SNX29: variants seen among roughly 807,000 people sequenced by gnomAD.
SNX29 encodes sorting nexin 29, also known as sorting nexin-29.
In SNX29, 78 loss-of-function variants were observed where a neutral mutation model predicts 102.1. That is an observed-to-expected ratio of 0.76 (90% confidence interval 0.64 to 0.92). The LOEUF (loss-of-function observed/expected upper bound fraction) is 0.92, where lower values mean the gene tolerates loss of function less well. Ranked by LOEUF, SNX29 falls within the 40% of genes least tolerant of loss-of-function variation. The pLI is 0.00. For missense variants in SNX29, 1,280 were observed against 1,061.7 expected, an observed-to-expected ratio of 1.21 and a Z score of -2.86; for synonymous variants, 580 against 414.5, an observed-to-expected ratio of 1.40 and a Z score of -4.85.
At chr16:12,529,672 C>T (rs909469563) in intron 20 of SNX29, among the ~76,000 whole-genome samples, 11 of 152,180 alleles carry the variant, frequency 7.2e-5, no homozygotes, top group Non-Finnish European at 8.8e-5. Context: ...GGGTTTCCCC[C>T]GCCGCCGCCC....
chr16:12,407,546 T>C (rs1453446923), intron 18 of SNX29, among the ~76,000 whole-genome samples: 1 of 152,226 alleles, frequency 6.6e-6, no homozygotes, highest in African/African-American at 2.4e-5. Flanking sequence ...TGGGTAGCAC[T>C]ATAAAGGAAC....
At chr16:12,489,013 C>A (rs7202077) in intron 19 of SNX29, among the ~76,000 whole-genome samples, 11,443 of 152,180 alleles carry the variant, frequency 0.075, 746 homozygotes, top group East Asian at 0.29. Flanking sequence ...CTTGTATATC[C>A]TTATTTAGTC....
intron 17 of SNX29, among the ~76,000 whole-genome samples, chr16:12,398,957 GA>G (rs566154704): frequency 4.8e-4 from 73 of 152,268 alleles, no homozygotes; most frequent in African/African-American, 1.5e-3. Flanking sequence ...TGGGTTATTG[GA>G]AACAACAGTA....
intron 13 of SNX29, among the ~76,000 whole-genome samples, chr16:12,172,723 C>G (rs2076176312): frequency 6.6e-6 from 1 of 152,102 alleles, no homozygotes; most frequent in African/African-American, 2.4e-5. Context: ...TTTATAATCC[C>G]TCGAGATAGG....
intron 13 of SNX29, among the ~76,000 whole-genome samples, chr16:12,173,194 A>G (rs2076186820): frequency 6.6e-6 from 1 of 152,254 alleles, no homozygotes; most frequent in Admixed American, 6.5e-5. Context: ...TTAGAATTGC[A>G]GCCAGTTTCA....
intron 18 of SNX29, among the ~76,000 whole-genome samples, chr16:12,409,238 C>T (rs796975176): frequency 2.6e-5 from 4 of 152,260 alleles, no homozygotes; most frequent in African/African-American, 9.6e-5. Flanking sequence ...AAACTCAATC[C>T]AGTACCTTGT....
chr16:12,324,910 A>T (rs2081071699), intron 15 of SNX29, among the ~76,000 whole-genome samples: 1 of 152,152 alleles, frequency 6.6e-6, no homozygotes, highest in South Asian at 2.1e-4. Context: ...GAACAATGAC[A>T]ATAAAAACAG....
At chr16:12,057,272 T>C (rs776094208) in intron 8 of SNX29, among the ~76,000 whole-genome samples, 22 of 152,190 alleles carry the variant, frequency 1.4e-4, no homozygotes, top group Non-Finnish European at 2.8e-4. Flanking sequence ...AGACTCCATA[T>C]TTTGCCCATC....
chr16:12,543,391 A>G (rs1443869350), intron 20 of SNX29, among the ~76,000 whole-genome samples: 6 of 152,152 alleles, frequency 3.9e-5, no homozygotes, highest in Admixed American at 2.0e-4. Context: ...GATTATCCAG[A>G]AGGAGGGGGC....
chr16:12,418,522 CT>C (rs35098603), intron 18 of SNX29, among the ~76,000 whole-genome samples: 4 of 148,316 alleles, frequency 2.7e-5, no homozygotes, highest in African/African-American at 2.5e-5. Flanking sequence ...GTTTTCTTTT[CT>C]TTTTTTTTTG....
intron 20 of SNX29, among the ~76,000 whole-genome samples, chr16:12,554,983 C>G (rs533755550): frequency 1.3e-5 from 2 of 151,808 alleles, no homozygotes; most frequent in Admixed American, 6.5e-5. Context: ...GTCAGTCAGC[C>G]GGAGCACCTT....
At chr16:12,040,729 G>A (rs1171148505) in intron 4 of SNX29, among the ~76,000 whole-genome samples, 1 of 152,190 alleles carries the variant, frequency 6.6e-6, no homozygotes, top group Non-Finnish European at 1.5e-5. Flanking sequence ...ACTTTTAATT[G>A]TAATAGGAAA....
At chr16:12,351,579 G>A (rs115326129) in intron 15 of SNX29, among the ~76,000 whole-genome samples, 34 of 152,254 alleles carry the variant, frequency 2.2e-4, no homozygotes, top group African/African-American at 7.9e-4. Context: ...TGCCAGAGGC[G>A]TTTTTGAAAA....
intron 20 of SNX29, among the ~76,000 whole-genome samples, chr16:12,567,260 T>TA (rs1176595449): frequency 1.3e-5 from 2 of 152,144 alleles, no homozygotes; most frequent in East Asian, 3.9e-4. Flanking sequence ...TGTCTTCCCT[T>TA]GTAGGGTCCA....
Position 12,544,849 on chromosome 16 carries a change from C to G in SNX29, c.2318+20008C>G, listed in dbSNP as rs147808536. Among the ~76,000 whole-genome samples, 192 of 152,324 alleles carry G rather than the reference C, an allele frequency of 1.3e-3. 1 individual carries two copies. Among genetic ancestry groups the G allele is most frequent in the African/African-American group, 4.5e-3 (185 of 41,568 alleles). On this transcript the variant is annotated intron_variant, in intron 20 of 20. Coordinates refer to ENST00000566228, the MANE Select transcript of SNX29 (RefSeq NM_032167.5). ...AGCAAGAACTCCTTGGGGAAATGCC[C>G]ACATGCAGCCAGTGTCAACACAGCC...
chr16:12,045,136 G>C (rs1198114409), intron 5 of SNX29, among the ~76,000 whole-genome samples: 1 of 152,206 alleles, frequency 6.6e-6, no homozygotes, highest in East Asian at 1.9e-4. Flanking sequence ...ATCAGGTGCA[G>C]TCAGAATGTC....
chr16:12,510,663 A>G (rs956827283), intron 19 of SNX29, among the ~76,000 whole-genome samples: 8 of 151,312 alleles, frequency 5.3e-5, no homozygotes, highest in Non-Finnish European at 1.2e-4. Context: ...ACAGAGTGAG[A>G]CTCTGTCTCA....
At chr16:12,400,234 C>G (rs77380373) in intron 17 of SNX29, among the ~76,000 whole-genome samples, 51 of 152,190 alleles carry the variant, frequency 3.4e-4, no homozygotes, top group Admixed American at 9.2e-4. Flanking sequence ...CCTCTGGCTT[C>G]GTTCCCAGCC....
intron 16 of SNX29, among the ~76,000 whole-genome samples, chr16:12,380,568 AT>A (rs1597155366): frequency 3.5e-5 from 2 of 56,960 alleles, no homozygotes; most frequent in African/African-American, 6.8e-5. Flanking sequence ...TCCACCCACC[AT>A]CCATCCATCC....
Sources: gnomAD v4.1 joint callset for allele counts (sites outside exome capture counted in the v4.1 genomes callset) on GRCh38, gnomAD v4.1.1 for gene constraint, MANE v1.5 for transcripts, NCBI Gene and HGNC (gene_info 2026-07-23, HGNC 2026-07-21) for gene names.